Variants in MARF1 observed in about 807,000 individuals in gnomAD.
MARF1 encodes meiosis regulator and mRNA stability factor 1, also known as limkain-b1.
MARF1 carries 24 observed loss-of-function variants against 168.2 expected under a neutral mutation model. The observed-to-expected ratio is 0.14, with a 90% CI of 0.10 to 0.20. MARF1 has a LOEUF of 0.20. MARF1 is among the 10% of genes least tolerant of loss of function. The pLI is 1.00. For synonymous variants in MARF1, 868 were observed against 822.4 expected, an observed-to-expected ratio of 1.06 and a Z score of -0.95; for missense variants, 1,744 against 2,143.6, an observed-to-expected ratio of 0.81 and a Z score of 3.68.
chr16:15,615,700 G>T, intron 16 of MARF1, 130 bp downstream of exon 16: 3 of 569,824 alleles, frequency 5.3e-6, no homozygotes, highest in East Asian at 6.4e-5. Flanking sequence ...ATTTTCAAAA[G>T]ATCAAAGGAC....
chr16:15,630,910 C>G (rs1215859360), intron 6 of MARF1, among the ~76,000 whole-genome samples: 6 of 151,948 alleles, frequency 3.9e-5, no homozygotes, highest in Admixed American at 3.3e-4. Context: ...GAGGGTGGAT[C>G]ACCTGAGGTC....
rs756829135 is a variant in MARF1 at position 15,625,914 on chromosome 16, T to C, written c.1525-114A>G. On this transcript the variant is annotated intron_variant, in intron 7 of 26. Coordinates refer to ENST00000396368, the MANE Select transcript of MARF1 (RefSeq NM_014647.4). ...TCAGTTAACAACTTTGAAGAGAAGA[T>C]GACAGTGATTTAGATGGGAGAGGGT... 1.0e-4 allele frequency: 79 copies of C among 759,834 alleles called. 1 individual carries two copies. Among genetic ancestry groups the C allele is most frequent in the African/African-American group, 6.8e-4 (39 of 57,500 alleles). The allele number at this position is 759,834 out of a possible 1,614,324, so 47.1% of individuals were successfully genotyped here. A position where few individuals can be genotyped will look rare whatever the true frequency, so the allele number is the denominator to read the frequency against.
intron 15 of MARF1, 29 bp downstream of exon 15, chr16:15,617,023 A>G (rs1002312945): frequency 3.1e-6 from 5 of 1,598,050 alleles, no homozygotes; most frequent in Non-Finnish European, 4.3e-6. Context: ...CTAGGGCATT[A>G]TATCGACAAA....
chr16:15,626,732 G>A (rs141364126), intron 7 of MARF1, among the ~76,000 whole-genome samples: 2,267 of 152,242 alleles, frequency 0.015, 62 homozygotes, highest in African/African-American at 0.052. Context: ...GGCCAAGGCA[G>A]GTGGATCACC....
chr16:15,594,727 T>C lies in MARF1; in HGVS notation c.*1966A>G, dbSNP rs1567515329. ...GGACTGGCCATTGTGGAGTACATTATGAACACAATGTGCTTCCGAAGTCTT... is the reference window on the plus strand; with the variant it reads ...GGACTGGCCATTGTGGAGTACATTACGAACACAATGTGCTTCCGAAGTCTT... On this transcript the variant is annotated 3_prime_UTR_variant, in exon 27 of 27. Coordinates refer to ENST00000396368, the MANE Select transcript of MARF1 (RefSeq NM_014647.4). 1 of 152,634 alleles carries C rather than the reference T, an allele frequency of 6.6e-6. No homozygotes were observed. Among genetic ancestry groups the C allele is most frequent in the East Asian group, 1.9e-4 (1 of 5,200 alleles). 9.5% of individuals were successfully genotyped at this position (152,634 alleles called of 1,614,324 possible). A position where few individuals can be genotyped will look rare whatever the true frequency, so the allele number is the denominator to read the frequency against.
At chr16:15,641,985 C>A (rs1341404631) in intron 1 of MARF1, among the ~76,000 whole-genome samples, 1 of 152,166 alleles carries the variant, frequency 6.6e-6, no homozygotes, top group African/African-American at 2.4e-5. Context: ...TAGGCTCTGT[C>A]GACTGTCTGC....
chr16:15,613,708 T>A (rs975930188), intron 16 of MARF1, among the ~76,000 whole-genome samples: 2 of 146,244 alleles, frequency 1.4e-5, no homozygotes, highest in Non-Finnish European at 3.0e-5. Context: ...TAAAATAAAA[T>A]AAAAAGTGGA....
chr16:15,612,428 G>T, intron 17 of MARF1, 129 bp downstream of exon 17: 1 of 790,106 alleles, frequency 1.3e-6, no homozygotes, highest in Non-Finnish European at 2.2e-6. Context: ...GCCCTCTGAA[G>T]AAAGTTTTTA....
intron 21 of MARF1, among the ~76,000 whole-genome samples, chr16:15,607,734 G>A (rs987289073): frequency 7.2e-5 from 11 of 152,160 alleles, no homozygotes; most frequent in Admixed American, 1.3e-4. Context: ...GGAGGAGGCC[G>A]AAAACTGGCA....
intron 16 of MARF1, 77 bp from the exon 17 acceptor site, chr16:15,612,854 C>T: frequency 8.0e-7 from 1 of 1,247,240 alleles, no homozygotes; most frequent in Non-Finnish European, 1.2e-6. Flanking sequence ...GCCCTGCAGT[C>T]CCTGGCTTGA....
chr16:15,642,763 C>A lies in MARF1; in HGVS notation c.-59+255G>T, dbSNP rs142829658. 4.2e-3 allele frequency among the ~76,000 whole-genome samples: 643 copies of A among 152,292 alleles called. 4 individuals are homozygous for A. Among genetic ancestry groups the A allele is most frequent in the African/African-American group, 0.015 (610 of 41,568 alleles). ...GGCCCCACCAGGGGTCAGACAGGGG[C>A]GGGCGGGGAGCCAAATGCCCTCGAA... is the stretch of plus-strand genomic sequence containing the variant. On this transcript the variant is annotated intron_variant, in intron 1 of 26. Coordinates refer to ENST00000396368, the MANE Select transcript of MARF1 (RefSeq NM_014647.4).
At chr16:15,611,798 G>A in intron 17 of MARF1, 64 bp from the exon 18 acceptor site, 2 of 1,435,574 alleles carry the variant, frequency 1.4e-6, no homozygotes, top group Non-Finnish European at 9.7e-7. Context: ...CCTTGCTGCT[G>A]GCTCACCCTC....
At chr16:15,633,867 A>G (rs752013809) in intron 4 of MARF1, 24 bp from the exon 5 acceptor site, 1 of 1,556,580 alleles carries the variant, frequency 6.4e-7, no homozygotes, top group African/African-American at 1.4e-5. Flanking sequence ...AACATTTTCA[A>G]TTACTTGTAG....
chr16:15,602,259 G>C (rs1382013710), intron 22 of MARF1, 56 bp from the exon 23 acceptor site: 1 of 1,428,318 alleles, frequency 7.0e-7, no homozygotes, highest in African/African-American at 1.4e-5. Flanking sequence ...CTGCCCCGTG[G>C]AAAGTGAAGG....
chr16:15,616,051 T>C (rs1056834187), intron 15 of MARF1, 46 bp from the exon 16 acceptor site: 8 of 1,405,834 alleles, frequency 5.7e-6, no homozygotes, highest in Non-Finnish European at 7.5e-6. Context: ...TAAATCAAAA[T>C]AACAGAAAAG....
At chr16:15,630,093 T>C (rs1377359302) in intron 7 of MARF1, 1 of 393,774 alleles carries the variant, frequency 2.5e-6, no homozygotes, top group Non-Finnish European at 4.5e-6. Flanking sequence ...GTTGGGAAGG[T>C]AAATCTACAA....
chr16:15,625,852 C>CAATTTCAA (rs1471554641), intron 7 of MARF1, 52 bp from the exon 8 acceptor site: 1 of 1,448,010 alleles, frequency 6.9e-7, no homozygotes. Flanking sequence ...GGCACACATT[C>CAATTTCAA]AATTTCAAAA....
intron 1 of MARF1, chr16:15,642,379 T>C (rs1426733121): frequency 6.6e-6 from 1 of 152,186 alleles, no homozygotes; most frequent in Non-Finnish European, 1.5e-5. Flanking sequence ...AATAAATAAC[T>C]GTTGAACGAA....
intron 16 of MARF1, among the ~76,000 whole-genome samples, chr16:15,615,237 T>C (rs1016396181): frequency 1.8e-4 from 28 of 152,208 alleles, no homozygotes; most frequent in African/African-American, 6.5e-4. Context: ...GGCTCATGCC[T>C]GTAATCCCAG....
Sources: allele counts gnomAD v4.1 joint callset (sites outside exome capture counted in the v4.1 genomes callset), GRCh38; gene constraint gnomAD v4.1.1; transcripts MANE v1.5; gene names NCBI Gene and HGNC (gene_info 2026-07-23, HGNC 2026-07-21).